Variants in ABCA4 observed in about 807,000 individuals in gnomAD.
ABCA4 encodes the protein retinal-specific phospholipid-transporting ATPase ABCA4.
ABCA4 carries 196 observed loss-of-function variants against 263.7 expected under a neutral mutation model. The observed-to-expected ratio is 0.74, with a 90% CI of 0.66 to 0.84. The LOEUF is 0.84. Ranked by LOEUF, ABCA4 falls within the 40% of genes least tolerant of loss-of-function variation. The pLI is 0.00. For synonymous variants in ABCA4, 1,133 were observed against 1,094.2 expected (o/e 1.04, Z -0.70); for missense variants, 2,792 against 2,855.1 (o/e 0.98, Z 0.50).
In ABCA4 at chr1:94,043,350, G is replaced by C. The variant is rs760279930; in HGVS notation, c.3176C>G (p.Ala1059Gly). 3.1e-6 allele frequency: 5 copies of C among 1,614,108 alleles called. No individual in the cohort carries two copies. Among genetic ancestry groups the C allele is most frequent in the Non-Finnish European group, 4.2e-6 (5 of 1,180,024 alleles). The change falls in exon 21 of 50, where the codon GCT becomes GGT. Residue 1059 changes from alanine (A) to glycine (G), a missense_variant. Physicochemically the swap from Ala to Gly is moderately conservative, Grantham distance 60. Coordinates refer to ENST00000370225, the MANE Select transcript of ABCA4 (RefSeq NM_000350.3). The part of the protein sequence containing the change: ...TGLHHKRNEE[A>G]QDLSGGMQRK... ...GCTCTGAGCACCTGATAGGTCCTGA[G>C]CCTCTTCATTCCGCTTGTGGTGGAG... is the stretch of plus-strand genomic sequence containing the variant.
chr1:94,089,494 G>C (rs1031356791), intron 6 of ABCA4, among the ~76,000 whole-genome samples: 3 of 149,400 alleles, frequency 2.0e-5, no homozygotes, highest in African/African-American at 7.4e-5. Flanking sequence ...TTGAGATGGA[G>C]TGTCACACTG....
rs554739668 is a variant in ABCA4, at chr1:94,098,694, C to G, written c.768+100G>C. 1.1e-4 allele frequency: 156 copies of G among 1,383,622 alleles called. 3 individuals carry two copies. The Middle Eastern group carries it at 0.011, about 100-fold the overall frequency. 85.7% of individuals were successfully genotyped at this position (1,383,622 alleles called of 1,614,324 possible). The stretch of plus-strand genomic sequence containing the variant: ...AGCCTGGAGCTTTTGCAAGGATTGT[C>G]CAGAACACCAGGCTCACGCCCTCCC... On this transcript the variant is annotated intron_variant, in intron 6 of 49. Coordinates refer to ENST00000370225, the MANE Select transcript of ABCA4 (RefSeq NM_000350.3).
rs752255736 is a variant in ABCA4 at position 94,000,859 on chromosome 1, G to A, written c.6456C>T (p.Gly2152=). Residue 2152 remains glycine (G), a synonymous_variant, in exon 47 of 50, where the codon GGC becomes GGT. Transcript: ENST00000370225. ...IMVKGAFRCM[G]TIQHLKSKFG... ...ACTTGGACTTGAGATGCTGAATGGT[G>A]CCCATACATCGAAAGGCGCCCTTTA... is the stretch of plus-strand genomic sequence containing the variant. 1.9e-6 allele frequency: 3 copies of A among 1,614,206 alleles called. No individual in the cohort carries two copies. The South Asian group carries it at 3.3e-5, about 18-fold the overall frequency.
chr1:94,100,945 C>T lies in ABCA4; in HGVS notation c.571-1954G>A, dbSNP rs1662269911. ...ATCAGGAGCTAGAAGACAGGTGAGC[C>T]CACAAGGCAAAGCATCCTGGGAAGT... On this transcript the variant is annotated intron_variant, in intron 5 of 49. Transcript: ENST00000370225. Among the ~76,000 whole-genome samples the T allele has an allele frequency of 3.3e-5, 5 of 152,310 alleles. 1 individual carries two copies. In the South Asian group the frequency reaches 1.0e-3, roughly 32 times the overall value.
In ABCA4 at chr1:94,047,015, C is replaced by T. The variant is rs113503406; in HGVS notation, c.2822G>A (p.Cys941Tyr). 2.5e-5 allele frequency: 41 copies of T among 1,614,134 alleles called. No individual in the cohort carries two copies. In the African/African-American group the frequency reaches 4.7e-4, roughly 18 times the overall value. ...CAGACGGTCCACAGCTGGCCGGCCA[C>T]AGGGCTCAAAAATCTTTACCAGATT... ...VKNLVKIFEPCGRPAVDRLNI... is the reference protein window; with the variant it reads ...VKNLVKIFEPYGRPAVDRLNI... The change falls in exon 19 of 50, where the codon TGT (cysteine) becomes TAT (tyrosine). Residue 941 changes from cysteine (C) to tyrosine (Y), a missense_variant. Cys to Tyr is a radical substitution (Grantham distance 194). Transcript: ENST00000370225.
chr1:94,011,916 C>G (rs1457714531), intron 38 of ABCA4, among the ~76,000 whole-genome samples: 1 of 121,928 alleles, frequency 8.2e-6, no homozygotes, highest in East Asian at 2.2e-4. Flanking sequence ...AACACCAGGC[C>G]CTGAGCCATC....
At chr1:94,084,707 C>A (rs1661787018) in intron 6 of ABCA4, among the ~76,000 whole-genome samples, 1 of 152,182 alleles carries the variant, frequency 6.6e-6, no homozygotes, top group Non-Finnish European at 1.5e-5. Context: ...CTGCTATTGA[C>A]ACCACATCAC....
chr1:94,105,694 A>C (rs1002754893), intron 4 of ABCA4, among the ~76,000 whole-genome samples: 11 of 151,918 alleles, frequency 7.2e-5, no homozygotes, highest in Non-Finnish European at 1.6e-4. Context: ...GGCTCCCGGG[A>C]AGAAGGTGTT....
rs149802210 is a variant in ABCA4 at position 94,070,672 on chromosome 1, G to C, written c.1554+7018C>G. Among the ~76,000 whole-genome samples the C allele has an allele frequency of 7.2e-3, 1,098 of 152,322 alleles. 15 individuals carry two copies. The highest frequency in any genetic ancestry group is 0.025 in the African/African-American group (1,036 of 41,560). On this transcript the variant is annotated intron_variant, in intron 11 of 49. Transcript: ENST00000370225. ...ATCATGATCAAGGGCTACAGGGAAG[G>C]GAATGGTGCACAGAAGAAGGCCCGA... is the stretch of plus-strand genomic sequence containing the variant.
intron 36 of ABCA4, among the ~76,000 whole-genome samples, chr1:94,018,191 G>A (rs998813325): frequency 1.5e-4 from 22 of 149,790 alleles, no homozygotes; most frequent in African/African-American, 5.4e-4. Context: ...AAGCGCACAC[G>A]CGCGTGCGTG....
intron 12 of ABCA4, among the ~76,000 whole-genome samples, 160 bp downstream of exon 12, chr1:94,062,952 C>T (rs745546233): frequency 5.9e-5 from 9 of 152,202 alleles, no homozygotes; most frequent in Non-Finnish European, 1.2e-4. Flanking sequence ...TAATTGCTTT[C>T]ATTCAAGGAC....
At chr1:94,115,290 T>C (rs1662727521) in intron 1 of ABCA4, among the ~76,000 whole-genome samples, 1 of 152,184 alleles carries the variant, frequency 6.6e-6, no homozygotes, top group Admixed American at 6.5e-5. Context: ...AATATTGGCT[T>C]TCTATCACGT....
At chr1:94,108,916 G>T (rs1662517673) in intron 3 of ABCA4, among the ~76,000 whole-genome samples, 200 bp from the exon 4 acceptor site, 1 of 151,992 alleles carries the variant, frequency 6.6e-6, no homozygotes, top group African/African-American at 2.4e-5. Flanking sequence ...GGGACTACAG[G>T]CGCCCGCCAC....
At chr1:94,001,634 G>T in intron 45 of ABCA4, 1 of 709,118 alleles carries the variant, frequency 1.4e-6, no homozygotes, top group Non-Finnish European at 2.5e-6. Context: ...GGGAACGCAG[G>T]ATGTGCGCAG....
chr1:94,080,091 T>C (rs1168179957), intron 8 of ABCA4, among the ~76,000 whole-genome samples: 1 of 152,162 alleles, frequency 6.6e-6, no homozygotes, highest in Non-Finnish European at 1.5e-5. Context: ...TTCACGATAT[T>C]GTGTTTGTAA....
chr1:94,070,159 T>C lies in ABCA4; in HGVS notation c.1555-6842A>G, dbSNP rs143373317. Reference sequence around the variant, plus strand: ...ATCAACAGAGCTGGGCACTGACCAATCAGACCACATTCTGGCCACAAACAC... The same window carrying C: ...ATCAACAGAGCTGGGCACTGACCAACCAGACCACATTCTGGCCACAAACAC... On this transcript the variant is annotated intron_variant, in intron 11 of 49. Coordinates refer to ENST00000370225, the MANE Select transcript of ABCA4 (RefSeq NM_000350.3). 2.7e-4 allele frequency among the ~76,000 whole-genome samples: 41 copies of C among 152,312 alleles called. No individual in the cohort carries two copies. In the South Asian group the frequency reaches 3.3e-3, roughly 12 times the overall value.
intron 1 of ABCA4, among the ~76,000 whole-genome samples, chr1:94,119,143 A>C (rs1662880947): frequency 6.6e-6 from 1 of 152,208 alleles, no homozygotes; most frequent in Non-Finnish European, 1.5e-5. Flanking sequence ...AGAAGGAAAG[A>C]ATGAATACAT....
chr1:94,062,569 A>T lies in ABCA4; in HGVS notation c.1937+8T>A. 1.9e-6 allele frequency: 3 copies of T among 1,613,962 alleles called. No individual in the cohort carries two copies. The highest frequency in any genetic ancestry group is 1.7e-6 in the Non-Finnish European group (2 of 1,179,972). Reference sequence around the variant, plus strand: ...GTCATGGAGGAGGATCGCGAACTTCAGACTCACGAATCGTCCACGAAGCAG... The same window carrying T: ...GTCATGGAGGAGGATCGCGAACTTCTGACTCACGAATCGTCCACGAAGCAG... On this transcript the variant is annotated splice_region_variant and intron_variant, in intron 13 of 49. Transcript: ENST00000370225.
At chr1:94,058,167 A>G (rs1031124104) in intron 14 of ABCA4, among the ~76,000 whole-genome samples, 2 of 152,208 alleles carry the variant, frequency 1.3e-5, no homozygotes, top group African/African-American at 4.8e-5. Context: ...GGCACAGAAG[A>G]GACCCACGCT....
Sources: allele counts gnomAD v4.1 joint callset (sites outside exome capture counted in the v4.1 genomes callset), GRCh38; gene constraint gnomAD v4.1.1; transcripts MANE v1.5; gene names NCBI Gene and HGNC (gene_info 2026-07-23, HGNC 2026-07-21).